The following DNAH3 variants were observed in gnomAD, a reference collection of about 807,000 sequenced individuals.
The protein encoded by DNAH3 is dynein axonemal heavy chain 3, also known as axonemal beta dynein heavy chain 3.
DNAH3 carries 332 observed loss-of-function variants against 432.5 expected under a neutral mutation model. The observed-to-expected ratio is 0.77, with a 90% CI of 0.70 to 0.84. The LOEUF (loss-of-function observed/expected upper bound fraction) is 0.84, where lower values mean the gene tolerates loss of function less well. DNAH3 is among the 40% of genes least tolerant of loss of function. DNAH3 has a pLI of 0.00. For missense variants in DNAH3, 4,861 were observed against 5,114.0 expected (o/e 0.95, Z 1.51); for synonymous variants, 1,956 against 1,900.2 (o/e 1.03, Z -0.76).
At chr16:20,973,839 A>T (rs2085454318) in intron 51 of DNAH3, among the ~76,000 whole-genome samples, 1 of 152,194 alleles carries the variant, frequency 6.6e-6, no homozygotes, top group African/African-American at 2.4e-5. Flanking sequence ...ATGGAGACGA[A>T]GGAAACAGCC....
intron 44 of DNAH3, among the ~76,000 whole-genome samples, chr16:20,992,220 C>CTTTTTTTTTTTTTTT: frequency 6.6e-6 from 1 of 152,304 alleles, no homozygotes; most frequent in South Asian, 2.1e-4. Context: ...TAAATTTTCT[C>CTTTTTTTTTTTTTTT]ATCTTTGGTG....
chr16:20,955,951 C>G (rs1057078327), intron 54 of DNAH3, among the ~76,000 whole-genome samples: 4 of 151,068 alleles, frequency 2.6e-5, no homozygotes, highest in African/African-American at 4.9e-5. Context: ...TTTTTTGAGA[C>G]AAGGTCTCAC....
intron 41 of DNAH3, among the ~76,000 whole-genome samples, chr16:21,013,043 G>T (rs926736029): frequency 1.3e-5 from 2 of 152,090 alleles, no homozygotes; most frequent in Non-Finnish European, 1.5e-5. Flanking sequence ...GGGATTACAG[G>T]TGTGAGCCAC....
chr16:20,965,500 C>T lies in DNAH3; in HGVS notation c.8459-75G>A, dbSNP rs892394028. ...ACTTAAAATTCTGCAGTGGTTACTG[C>T]TGGTATTTGAGAAAAAACAAAAACA... On this transcript the variant is annotated intron_variant, in intron 52 of 61. Transcript: ENST00000261383. 9 of 1,291,178 alleles carry T rather than the reference C, an allele frequency of 7.0e-6. No individual in the cohort carries two copies. The African/African-American group carries it at 1.2e-4, about 17-fold the overall frequency. 80.0% of individuals were successfully genotyped at this position (1,291,178 alleles called of 1,614,324 possible).
At chr16:21,121,870 G>T in intron 10 of DNAH3, 75 bp downstream of exon 11, 1 of 1,369,168 alleles carries the variant, frequency 7.3e-7, no homozygotes, top group Non-Finnish European at 1.0e-6. Flanking sequence ...GACCTGACTT[G>T]TACAACCTCT....
intron 11 of DNAH3, chr16:21,120,702 G>A (rs1422151375): frequency 1.2e-5 from 17 of 1,453,974 alleles, no homozygotes; most frequent in African/African-American, 5.6e-5. Context: ...TGTCTTCTTG[G>A]CATTGTAATT....
chr16:20,996,517 T>C (rs901771159), intron 44 of DNAH3, among the ~76,000 whole-genome samples: 2 of 152,140 alleles, frequency 1.3e-5, no homozygotes, highest in African/African-American at 4.8e-5. Flanking sequence ...TGGAGTGCAG[T>C]GGTGCCATCT....
At chr16:21,049,940 G>C in exon 30 of DNAH3, 1 of 1,614,144 alleles carries the variant, frequency 6.2e-7, no homozygotes, top group Non-Finnish European at 8.5e-7. Flanking sequence ...CCAAATCTTT[G>C]GTGGTTTCTG....
At chr16:20,948,924 AC>A (rs1167202155) in intron 56 of DNAH3, among the ~76,000 whole-genome samples, 1 of 151,644 alleles carries the variant, frequency 6.6e-6, no homozygotes, top group Non-Finnish European at 1.5e-5. Flanking sequence ...CACCCCCACA[AC>A]CCATGCCCAT....
rs202155756 is a variant in DNAH3, at chr16:21,121,915, T to C, written c.1584+30A>G. On this transcript the variant is annotated intron_variant, in intron 10 of 61. Transcript: ENST00000261383. Reference sequence around the variant, plus strand: ...TTTTATTCACTAAGTGAAAAAATCATGCAAATGAATGATTAAGTGACTACT... The same window carrying C: ...TTTTATTCACTAAGTGAAAAAATCACGCAAATGAATGATTAAGTGACTACT... 2.8e-5 allele frequency: 43 copies of C among 1,556,956 alleles called. No homozygotes were observed. The Admixed American group carries it at 6.0e-4, about 22-fold the overall frequency.
exon 17 of DNAH3, chr16:21,098,649 T>C (rs759843701): frequency 6.2e-7 from 1 of 1,613,450 alleles, no homozygotes; most frequent in Admixed American, 1.7e-5. Context: ...TTAGGTTCTT[T>C]GAAAGCTCAT....
intron 36 of DNAH3, among the ~76,000 whole-genome samples, chr16:21,033,376 CAT>C (rs1398787316): frequency 6.6e-6 from 1 of 152,164 alleles, no homozygotes; most frequent in Non-Finnish European, 1.5e-5. Flanking sequence ...TGGCAGGAAA[CAT>C]AGTTTCCATT....
At chr16:21,009,133 A>G (rs939904663) in intron 41 of DNAH3, among the ~76,000 whole-genome samples, 17 of 152,368 alleles carry the variant, frequency 1.1e-4, no homozygotes, top group Non-Finnish European at 2.2e-4. Flanking sequence ...ATACATGAGT[A>G]TGCAACACCA....
At chr16:21,005,091 T>C (rs2065148493) in intron 41 of DNAH3, among the ~76,000 whole-genome samples, 1 of 152,192 alleles carries the variant, frequency 6.6e-6, no homozygotes, top group Non-Finnish European at 1.5e-5. Flanking sequence ...TAAGAGTTCT[T>C]TGTTTTAATT....
intron 3 of DNAH3, among the ~76,000 whole-genome samples, chr16:21,142,133 G>A (rs190028771): frequency 3.3e-5 from 5 of 152,068 alleles, no homozygotes; most frequent in South Asian, 2.1e-4. Flanking sequence ...TTGGGAGGCC[G>A]AGACAGGCAG....
At chr16:20,981,393 A>T (rs1424661722) in intron 49 of DNAH3, among the ~76,000 whole-genome samples, 1 of 152,088 alleles carries the variant, frequency 6.6e-6, no homozygotes, top group Non-Finnish European at 1.5e-5. Context: ...GGCCATTGAC[A>T]CTCTTACCCC....
exon 25 of DNAH3, chr16:21,062,578 C>T: frequency 6.2e-7 from 1 of 1,614,170 alleles, no homozygotes; most frequent in South Asian, 1.1e-5. Flanking sequence ...TAAACTCAAG[C>T]TTGGCAATTC....
chr16:20,951,462 T>C (rs1415076828), intron 56 of DNAH3, among the ~76,000 whole-genome samples: 1 of 150,988 alleles, frequency 6.6e-6, no homozygotes, highest in East Asian at 1.9e-4. Context: ...TTTTTTCTTC[T>C]GAGACAGGAT....
At chr16:21,112,535 T>C (rs892976538) in intron 12 of DNAH3, among the ~76,000 whole-genome samples, 4 of 152,000 alleles carry the variant, frequency 2.6e-5, no homozygotes, top group Admixed American at 6.6e-5. Context: ...TGATAAACCA[T>C]CAGATCTCAT....
Sources: gnomAD v4.1 joint callset for allele counts (sites outside exome capture counted in the v4.1 genomes callset) on GRCh38, gnomAD v4.1.1 for gene constraint, MANE v1.5 for transcripts, NCBI Gene and HGNC (gene_info 2026-07-23, HGNC 2026-07-21) for gene names.